KLHL35: variants seen among roughly 807,000 people sequenced by gnomAD.
KLHL35 encodes kelch-like protein 35.
KLHL35 carries 50 observed loss-of-function variants against 44.0 expected under a neutral mutation model. That is an observed-to-expected ratio of 1.14 (90% CI 0.91 to 1.44). The LOEUF (loss-of-function observed/expected upper bound fraction) is 1.44, where lower values mean the gene tolerates loss of function less well. Ranked by LOEUF, KLHL35 falls within the 40% of genes most tolerant of loss-of-function variation. KLHL35 has a pLI of 0.00. For missense variants in KLHL35, 1,049 were observed against 887.8 expected (o/e 1.18, Z -2.31); for synonymous variants, 470 against 410.4 (o/e 1.15, Z -1.76).
intron 3 of KLHL35, 56 bp from the exon 4 acceptor site, chr11:75,426,694 C>T (rs1033238583): frequency 1.6e-6 from 2 of 1,262,120 alleles, no homozygotes; most frequent in Non-Finnish European, 2.2e-6. Context: ...CCAAGCACCC[C>T]CAAAGAGCTA....
At position 75,430,158 on chromosome 11, in the gene KLHL35, G is replaced by C. The variant is rs1283618291; in HGVS notation, c.472C>G (p.Leu158Val). The change falls in exon 2 of 7, where the codon CTG (leucine) becomes GTG (valine). Residue 158 changes from leucine (L) to valine (V), a missense_variant. Coordinates refer to ENST00000539798, the MANE Select transcript of KLHL35 (RefSeq NM_001039548.3). The part of the protein sequence containing the change: ...GRLRAANSLA[L>V]RRVAAAFSLA... ...GAGAAGGCGGCGGCCACGCGGCGCA[G>C]CGCTAGGCTGTTGGCGGCGCGCAGG... The C allele has an allele frequency of 1.6e-6, 2 of 1,246,214 alleles. No homozygotes were observed. The highest frequency in any genetic ancestry group is 2.0e-6 in the Non-Finnish European group (2 of 996,552). The allele number at this position is 1,246,214 out of a possible 1,614,324, so 77.2% of individuals were successfully genotyped here.
chr11:75,426,114 C>T (rs184327226), intron 4 of KLHL35: 6 of 160,412 alleles, frequency 3.7e-5, no homozygotes, highest in Admixed American at 3.0e-4. Flanking sequence ...AGCCACCACG[C>T]CGAGCTAATT....
In KLHL35 at chr11:75,430,283, C is replaced by A; in HGVS notation, c.347G>T (p.Arg116Leu). ...VLDYVYGAGV[R>L]LRAEDEAAAV... is the part of the protein sequence containing the mutation. ...CGCCGCCTCGTCCTCCGCGCGCAGCCGCACGCCCGCTCCGTACACGTAGTC... is the reference window on the plus strand; with the variant it reads ...CGCCGCCTCGTCCTCCGCGCGCAGCAGCACGCCCGCTCCGTACACGTAGTC... The change falls in exon 2 of 7, where the codon CGG (arginine) becomes CTG (leucine). Residue 116 changes from arginine (R) to leucine (L), a missense_variant. Physicochemically the swap from Arg to Leu is moderately radical, Grantham distance 102. Coordinates refer to ENST00000539798, the MANE Select transcript of KLHL35 (RefSeq NM_001039548.3). The A allele has an allele frequency of 8.3e-7, 1 of 1,210,224 alleles. No homozygotes were observed. 75.0% of individuals were successfully genotyped at this position (1,210,224 alleles called of 1,614,324 possible). A position where few individuals can be genotyped will look rare whatever the true frequency, so the allele number is the denominator to read the frequency against.
chr11:75,428,349 CCT>C, intron 3 of KLHL35, 91 bp downstream of exon 3: 1 of 1,416,712 alleles, frequency 7.1e-7, no homozygotes, highest in Non-Finnish European at 9.6e-7. Flanking sequence ...ACATCCCGCC[CCT>C]CTCTCCCGAT....
chr11:75,429,101 C>T (rs1948513568), intron 2 of KLHL35, among the ~76,000 whole-genome samples: 1 of 152,270 alleles, frequency 6.6e-6, no homozygotes, highest in Non-Finnish European at 1.5e-5. Context: ...TGCTGCCTCC[C>T]TCCTCCTATG....
chr11:75,422,695 G>A lies in KLHL35; in HGVS notation c.1637C>T (p.Thr546Ile). 1 of 1,614,034 alleles carries A rather than the reference G, an allele frequency of 6.2e-7. No homozygotes were observed. The highest frequency in any genetic ancestry group is 8.5e-7 in the Non-Finnish European group (1 of 1,179,900). ...LGGRDDRGESTDKVFTFDPSS... is the reference protein window; with the variant it reads ...LGGRDDRGESIDKVFTFDPSS... ...GGGGTCAAAGGTGAAGACCTTATCG[G>A]TGCTTTCTCCGCGATCATCCCGCCC... Residue 546 changes from threonine to isoleucine, a missense_variant, in exon 7 of 7, where the codon ACC (threonine) becomes ATC (isoleucine). Transcript: ENST00000539798.
At position 75,423,892 on chromosome 11, in the gene KLHL35, G is replaced by C. The variant is rs747810380; in HGVS notation, c.1375-12C>G. 26 of 1,603,824 alleles carry C rather than the reference G, an allele frequency of 1.6e-5. No individual in the cohort carries two copies. Among genetic ancestry groups the C allele is most frequent in the Admixed American group, 6.8e-5 (4 of 59,060 alleles). Reference sequence around the variant, plus strand: ...TCAAAGCACTGCACCTGAGGGGCAAGAGCAGCAGTGGTGAAGACTCACCGC... The same window carrying C: ...TCAAAGCACTGCACCTGAGGGGCAACAGCAGCAGTGGTGAAGACTCACCGC... On this transcript the variant is annotated splice_polypyrimidine_tract_variant and intron_variant, in intron 5 of 6. Coordinates refer to ENST00000539798, the MANE Select transcript of KLHL35 (RefSeq NM_001039548.3).
At position 75,430,141 on chromosome 11, in the gene KLHL35, G is replaced by A. The variant is rs1329598511; in HGVS notation, c.489C>T (p.Ala163=). Residue 163 remains alanine (A), a synonymous_variant, in exon 2 of 7, where the codon GCC becomes GCT. Transcript: ENST00000539798. ...ANSLALRRVA[A]AFSLAPLAER... ...CGGCCAGCGGGGCCAGCGAGAAGGCGGCGGCCACGCGGCGCAGCGCTAGGC... is the reference window on the plus strand; with the variant it reads ...CGGCCAGCGGGGCCAGCGAGAAGGCAGCGGCCACGCGGCGCAGCGCTAGGC... The A allele has an allele frequency of 8.0e-7, 1 of 1,255,324 alleles. No homozygotes were observed. The highest frequency in any genetic ancestry group is 1.0e-6 in the Non-Finnish European group (1 of 1,003,056). 77.8% of individuals were successfully genotyped at this position (1,255,324 alleles called of 1,614,324 possible).
At chr11:75,424,199 AACAC>A (rs151153262) in intron 5 of KLHL35, 2 of 301,610 alleles carry the variant, frequency 6.6e-6, no homozygotes, top group Non-Finnish European at 6.2e-6. Context: ...CTCACCCCTC[AACAC>A]ACACACACAG....
intron 2 of KLHL35, 70 bp from the exon 3 acceptor site, chr11:75,428,696 A>G (rs1256816424): frequency 7.5e-5 from 101 of 1,339,344 alleles, no homozygotes; most frequent in Non-Finnish European, 9.7e-5. Context: ...CCTCTCGACC[A>G]CACTGCACGG....
chr11:75,428,272 A>G (rs1229062013), intron 3 of KLHL35, among the ~76,000 whole-genome samples, 170 bp downstream of exon 3: 4 of 152,256 alleles, frequency 2.6e-5, no homozygotes, highest in Non-Finnish European at 4.4e-5. Context: ...ACATTCCTGA[A>G]TAAAGGGCGG....
Position 75,422,488 on chromosome 11 carries a change from G to T in KLHL35, c.*92C>A. 1 of 1,164,522 alleles carries T rather than the reference G, an allele frequency of 8.6e-7. No homozygotes were observed. The highest frequency in any genetic ancestry group is 1.2e-6 in the Non-Finnish European group (1 of 810,116). 72.1% of individuals were successfully genotyped at this position (1,164,522 alleles called of 1,614,324 possible). On this transcript the variant is annotated 3_prime_UTR_variant, in exon 7 of 7. Transcript: ENST00000539798. ...AAGAAAAGGGACCATTAAGTTAAGG[G>T]CTGTTTGCGTGGAGGTGCCATGAGG...
intron 1 of KLHL35, among the ~76,000 whole-genome samples, chr11:75,432,410 A>C (rs1294159688): frequency 6.6e-6 from 1 of 152,158 alleles, no homozygotes; most frequent in Non-Finnish European, 1.5e-5. Context: ...TTTGCATGCC[A>C]CACTTGCCAG....
In KLHL35 at chr11:75,429,970, G is replaced by A. The variant is rs762589559; in HGVS notation, c.660C>T (p.Ala220=). The A allele has an allele frequency of 3.5e-6, 5 of 1,437,896 alleles. No homozygotes were observed. Among genetic ancestry groups the A allele is most frequent in the Non-Finnish European group, 4.5e-6 (5 of 1,103,166 alleles). 89.1% of individuals were successfully genotyped at this position (1,437,896 alleles called of 1,614,324 possible). A position where few individuals can be genotyped will look rare whatever the true frequency, so the allele number is the denominator to read the frequency against. ...VAREEAVFEA[A]MRWVRHDAPA... is the part of the protein sequence containing the mutation. The stretch of plus-strand genomic sequence containing the variant: ...GCGCGTCGTGGCGCACCCAGCGCAT[G>A]GCCGCTTCAAACACGGCCTCCTCGC... Residue 220 remains alanine (A), a synonymous_variant, in exon 2 of 7, where the codon GCC becomes GCT. Coordinates refer to ENST00000539798, the MANE Select transcript of KLHL35 (RefSeq NM_001039548.3).
chr11:75,430,713 C>A (rs1416528124), intron 1 of KLHL35, 83 bp from the exon 2 acceptor site: 1 of 1,171,824 alleles, frequency 8.5e-7, no homozygotes, highest in Non-Finnish European at 1.1e-6. Context: ...CCGTTTATTT[C>A]CTCTCTTGAC....
chr11:75,427,618 C>T (rs776890272), intron 3 of KLHL35, among the ~76,000 whole-genome samples: 1 of 152,152 alleles, frequency 6.6e-6, no homozygotes, highest in Non-Finnish European at 1.5e-5. Context: ...TTGCAGGCAC[C>T]CATAGTTCTT....
chr11:75,426,553 C>T lies in KLHL35; in HGVS notation c.1152G>A (p.Arg384=). 8 of 1,604,154 alleles carry T rather than the reference C, an allele frequency of 5.0e-6. No individual in the cohort carries two copies. The highest frequency in any genetic ancestry group is 6.8e-6 in the Non-Finnish European group (8 of 1,175,768). The change falls in exon 4 of 7, where the codon AGG becomes AGA. Residue 384 remains arginine (R), a synonymous_variant. Coordinates refer to ENST00000539798, the MANE Select transcript of KLHL35 (RefSeq NM_001039548.3). ...WIKVASLHKG[R]WRHKMAVVQG... Reference sequence around the variant, plus strand: ...GCACAACTGCCATCTTGTGCCTCCACCTGCCCTTGTGCAGAGAGGCTACCT... The same window carrying T: ...GCACAACTGCCATCTTGTGCCTCCATCTGCCCTTGTGCAGAGAGGCTACCT...
Position 75,430,613 on chromosome 11 carries a change from G to C in KLHL35, c.17C>G (p.Ala6Gly). 1 of 1,395,694 alleles carries C rather than the reference G, an allele frequency of 7.2e-7. No individual in the cohort carries two copies. The highest frequency in any genetic ancestry group is 3.0e-5 in the East Asian group (1 of 32,914). The allele number at this position is 1,395,694 out of a possible 1,614,324, so 86.5% of individuals were successfully genotyped here. A position where few individuals can be genotyped will look rare whatever the true frequency, so the allele number is the denominator to read the frequency against. ...GCAGCCCGGCTCCGACTCCTCCGGCGCATGGCCTTGCCGCATCCTGCCGGG... is the reference window on the plus strand; with the variant it reads ...GCAGCCCGGCTCCGACTCCTCCGGCCCATGGCCTTGCCGCATCCTGCCGGG... MRQGH[A>G]PEESEPGCEA... Residue 6 changes from alanine to glycine, a missense_variant, in exon 2 of 7, where the codon GCG becomes GGG. By Grantham distance (60) the Ala-to-Gly change is moderately conservative. Coordinates refer to ENST00000539798, the MANE Select transcript of KLHL35 (RefSeq NM_001039548.3).
chr11:75,430,133 G>T lies in KLHL35; in HGVS notation c.497C>A (p.Ser166Ter). 1 of 1,262,126 alleles carries T rather than the reference G, an allele frequency of 7.9e-7. No individual in the cohort carries two copies. The highest frequency in any genetic ancestry group is 2.6e-5 in the South Asian group (1 of 38,012). 78.2% of individuals were successfully genotyped at this position (1,262,126 alleles called of 1,614,324 possible). ...LALRRVAAAF[S>*]LAPLAERCGR... ...GCAGCGCTCGGCCAGCGGGGCCAGC[G>T]AGAAGGCGGCGGCCACGCGGCGCAG... The change falls in exon 2 of 7, where the codon TCG becomes TAG. Residue 166 changes from serine to a stop codon, truncating the protein, a stop_gained. Transcript: ENST00000539798. LOFTEE classifies it high-confidence loss of function.
Sources: allele counts gnomAD v4.1 joint callset (sites outside exome capture counted in the v4.1 genomes callset), GRCh38; gene constraint gnomAD v4.1.1; transcripts MANE v1.5; gene names NCBI Gene and HGNC (gene_info 2026-07-23, HGNC 2026-07-21).